The following CASQ2 variants were observed in gnomAD, a reference collection of about 807,000 sequenced individuals.
CASQ2 encodes the protein calsequestrin 2, also known as calsequestrin-2.
In CASQ2, 49 loss-of-function variants were observed where a neutral mutation model predicts 46.5. The ratio of observed to expected loss-of-function variants is 1.05; its 90% CI spans 0.84 to 1.34. The LOEUF is 1.34. Ranked by LOEUF, CASQ2 falls within the 40% of genes most tolerant of loss-of-function variation. CASQ2 has a pLI of 0.00. For missense variants in CASQ2, 486 were observed against 481.3 expected, an observed-to-expected ratio of 1.01 and a Z score of -0.09; for synonymous variants, 174 against 168.5, an observed-to-expected ratio of 1.03 and a Z score of -0.25.
At chr1:115,753,893 A>G (rs1648668368) in intron 1 of CASQ2, among the ~76,000 whole-genome samples, 1 of 127,840 alleles carries the variant, frequency 7.8e-6, no homozygotes, top group African/African-American at 4.6e-5. Flanking sequence ...CAAGAATCTG[A>G]AAAAAAAAAA....
At chr1:115,715,061 G>A (rs1654656843) in intron 8 of CASQ2, among the ~76,000 whole-genome samples, 1 of 152,252 alleles carries the variant, frequency 6.6e-6, no homozygotes, top group Admixed American at 6.5e-5. Context: ...GAAGGTGGCA[G>A]GTGAGGTGGG....
chr1:115,736,407 C>A (rs1216489334), intron 4 of CASQ2, among the ~76,000 whole-genome samples: 2 of 151,920 alleles, frequency 1.3e-5, no homozygotes, highest in African/African-American at 4.8e-5. Context: ...GAGGCTGAGG[C>A]GGGTGGATCA....
At chr1:115,761,337 C>T (rs1451255435) in intron 1 of CASQ2, among the ~76,000 whole-genome samples, 1 of 130,020 alleles carries the variant, frequency 7.7e-6, no homozygotes, top group African/African-American at 3.2e-5. Flanking sequence ...GAGGAGGTTG[C>T]AGTGAGCTGA....
chr1:115,702,034 T>C (rs1654221351), intron 10 of CASQ2, among the ~76,000 whole-genome samples: 1 of 152,120 alleles, frequency 6.6e-6, no homozygotes, highest in South Asian at 2.1e-4. Flanking sequence ...GCGATTCTCT[T>C]GCCTCAGCCT....
At chr1:115,748,988 C>T (rs9428216) in intron 1 of CASQ2, among the ~76,000 whole-genome samples, 66,386 of 151,972 alleles carry the variant, frequency 0.44, 16,851 homozygotes, top group Non-Finnish European at 0.58. Context: ...CAGGAATCTA[C>T]GTTTTTATAA....
intron 2 of CASQ2, among the ~76,000 whole-genome samples, chr1:115,744,599 C>A (rs1557799797): frequency 1.3e-5 from 2 of 152,198 alleles, no homozygotes; most frequent in Non-Finnish European, 2.9e-5. Flanking sequence ...AAACCCTCTT[C>A]ATCGTACTGA....
chr1:115,706,989 G>A (rs1654384397), intron 8 of CASQ2, among the ~76,000 whole-genome samples: 2 of 151,642 alleles, frequency 1.3e-5, no homozygotes, highest in African/African-American at 4.8e-5. Context: ...GCCCCCTTAG[G>A]CCTTATTACC....
chr1:115,765,779 C>G (rs894893634), intron 1 of CASQ2, among the ~76,000 whole-genome samples: 1 of 152,066 alleles, frequency 6.6e-6, no homozygotes, highest in Non-Finnish European at 1.5e-5. Context: ...GCTATTTGTC[C>G]GTGGCTGAGA....
rs765296938 is a variant in CASQ2, at chr1:115,702,927, G to A, written c.1008C>T (p.Val336=). Residue 336 remains valine, a synonymous_variant, in exon 10 of 11, where the codon GTC becomes GTT. Transcript: ENST00000261448. ...CTTCACAGGGGATACTCACATCTGT[G>A]ACATTCACCACCCCAATCTGTGGCC... ...LFRPQIGVVN[V]TDADSVWMEI... 6.2e-7 allele frequency: 1 copy of A among 1,612,926 alleles called. No individual in the cohort carries two copies. Among genetic ancestry groups the A allele is most frequent in the East Asian group, 2.2e-5 (1 of 44,868 alleles).
In CASQ2 at chr1:115,727,097, A is replaced by G. The variant is rs765045923; in HGVS notation, c.632T>C (p.Met211Thr). The change falls in exon 6 of 11, where the codon ATG becomes ACG. Residue 211 changes from methionine to threonine, a missense_variant. Physicochemically the swap from Met to Thr is moderately conservative, Grantham distance 81. Coordinates refer to ENST00000261448, the MANE Select transcript of CASQ2 (RefSeq NM_001232.4). ...KGVAKKLSLKMNEVDFYEPFM... is the reference protein window; with the variant it reads ...KGVAKKLSLKTNEVDFYEPFM... ...TGGCTCATAGAAGTCAACCTCATTCATCTTCAAAGATAATTTCTTTGCAAC... is the reference window on the plus strand; with the variant it reads ...TGGCTCATAGAAGTCAACCTCATTCGTCTTCAAAGATAATTTCTTTGCAAC... 3.1e-6 allele frequency: 5 copies of G among 1,613,106 alleles called. No individual in the cohort carries two copies. The highest frequency in any genetic ancestry group is 4.2e-6 in the Non-Finnish European group (5 of 1,179,238).
intron 6 of CASQ2, among the ~76,000 whole-genome samples, chr1:115,726,247 C>T (rs1210449752): frequency 6.6e-6 from 1 of 152,178 alleles, no homozygotes; most frequent in East Asian, 1.9e-4. Context: ...TCCATATTCC[C>T]ATATCTTCCC....
At chr1:115,717,482 C>A (rs1438984678) in intron 8 of CASQ2, among the ~76,000 whole-genome samples, 1 of 152,186 alleles carries the variant, frequency 6.6e-6, no homozygotes, top group East Asian at 1.9e-4. Flanking sequence ...GCCCAGAACC[C>A]CTTGAAGAAT....
At chr1:115,742,466 T>A (rs1277408684) in intron 2 of CASQ2, among the ~76,000 whole-genome samples, 1 of 152,074 alleles carries the variant, frequency 6.6e-6, no homozygotes, top group Non-Finnish European at 1.5e-5. Flanking sequence ...AAGGAGCAGG[T>A]TCACAAAATA....
intron 8 of CASQ2, among the ~76,000 whole-genome samples, chr1:115,709,588 A>G (rs1367531252): frequency 6.6e-6 from 1 of 152,214 alleles, no homozygotes; most frequent in African/African-American, 2.4e-5. Context: ...TCAGAAAAGC[A>G]TCAGTTCTCA....
At chr1:115,745,573 A>G (rs1648360847) in intron 1 of CASQ2, among the ~76,000 whole-genome samples, 1 of 152,072 alleles carries the variant, frequency 6.6e-6, no homozygotes, top group Admixed American at 6.5e-5. Flanking sequence ...AGATGATGAC[A>G]TCAAGCACAA....
At chr1:115,701,571 A>G (rs1362772253) in intron 10 of CASQ2, 145 bp from the exon 11 acceptor site, 3 of 698,226 alleles carry the variant, frequency 4.3e-6, no homozygotes, top group Non-Finnish European at 7.9e-6. Flanking sequence ...TGGAAATGCC[A>G]AACGGCAAAA....
rs770571012 is a variant in CASQ2, at chr1:115,738,333, T to C, written c.423A>G (p.Leu141=). ...ADVLVEFLLD[L]IEDPVEIISS... is the part of the protein sequence containing the mutation. ...TGATGATCTCCACTGGGTCTTCAAT[T>C]AGCTGAAATGCCACACGCACATACA... The change falls in exon 4 of 11, where the codon CTA becomes CTG. Residue 141 remains leucine (L), a splice_region_variant and synonymous_variant. Coordinates refer to ENST00000261448, the MANE Select transcript of CASQ2 (RefSeq NM_001232.4). 3.8e-6 allele frequency: 6 copies of C among 1,588,626 alleles called. No homozygotes were observed. The highest frequency in any genetic ancestry group is 2.2e-5 in the East Asian group (1 of 44,770).
intron 8 of CASQ2, among the ~76,000 whole-genome samples, chr1:115,714,225 G>T (rs942685532): frequency 6.6e-6 from 1 of 152,116 alleles, no homozygotes; most frequent in Non-Finnish European, 1.5e-5. Flanking sequence ...TGGGGTTCTT[G>T]TGTACATATA....
intron 1 of CASQ2, among the ~76,000 whole-genome samples, chr1:115,761,259 T>C (rs1335571560): frequency 6.8e-6 from 1 of 147,720 alleles, no homozygotes; most frequent in Non-Finnish European, 1.5e-5. Context: ...TAGCCAGGCA[T>C]GATGGTGGGC....
Sources: allele counts gnomAD v4.1 joint callset (sites outside exome capture counted in the v4.1 genomes callset), GRCh38; gene constraint gnomAD v4.1.1; transcripts MANE v1.5; gene names NCBI Gene and HGNC (gene_info 2026-07-23, HGNC 2026-07-21).